NCOA6: variants seen among roughly 807,000 people sequenced by gnomAD.
NCOA6 encodes the protein nuclear receptor coactivator 6, also known as NRC RAP250.
NCOA6 carries 49 observed loss-of-function variants against 171.4 expected under a neutral mutation model. That is an observed-to-expected ratio of 0.29 (90% CI 0.23 to 0.36). The LOEUF is 0.36. Ranked by LOEUF, NCOA6 falls within the 10% of genes least tolerant of loss-of-function variation. NCOA6 has a pLI of 1.00. For missense variants in NCOA6, 2,248 were observed against 2,554.5 expected (o/e 0.88, Z 2.59); for synonymous variants, 910 against 927.5 (o/e 0.98, Z 0.34).
chr20:34,796,281 A>T (rs2146390749), intron 1 of NCOA6, among the ~76,000 whole-genome samples: 1 of 151,722 alleles, frequency 6.6e-6, no homozygotes, highest in Non-Finnish European at 1.5e-5. Context: ...AAGTGCTGGG[A>T]TTATAGGTGT....
In NCOA6 at chr20:34,750,534, AAGTCACAGTTT is replaced by A; in HGVS notation, c.1676-26_1676-16del. The A allele has an allele frequency of 1.9e-6, 3 of 1,552,912 alleles. No homozygotes were observed. Among genetic ancestry groups the A allele is most frequent in the Non-Finnish European group, 2.6e-6 (3 of 1,154,864 alleles). On this transcript the variant is annotated splice_polypyrimidine_tract_variant and intron_variant, in intron 8 of 14. Coordinates refer to ENST00000359003, the MANE Select transcript of NCOA6 (RefSeq NM_014071.5). The stretch of plus-strand genomic sequence containing the variant: ...TCCTTGACCACCTTAAAAAAAAAAA[AAGTCACAGTTT>A]CAGAAATAAATATTTTTATCTTATT...
At chr20:34,716,181 T>C (rs1367297868) in intron 14 of NCOA6, among the ~76,000 whole-genome samples, 3 of 141,456 alleles carry the variant, frequency 2.1e-5, no homozygotes, top group Non-Finnish European at 3.0e-5. Context: ...ATCCCACCAC[T>C]GTACTGTAGC....
intron 14 of NCOA6, among the ~76,000 whole-genome samples, chr20:34,720,074 C>T (rs531570039): frequency 1.3e-5 from 2 of 152,276 alleles, no homozygotes; most frequent in African/African-American, 4.8e-5. Flanking sequence ...AACATATTTT[C>T]CTGGTTCCAA....
At chr20:34,823,804 G>T (rs2079076854) in intron 1 of NCOA6, among the ~76,000 whole-genome samples, 1 of 152,038 alleles carries the variant, frequency 6.6e-6, no homozygotes, top group African/African-American at 2.4e-5. Flanking sequence ...CCAGGCTCAA[G>T]CGATCCTCCC....
At chr20:34,793,854 A>G (rs571898171) in intron 1 of NCOA6, among the ~76,000 whole-genome samples, 1 of 152,332 alleles carries the variant, frequency 6.6e-6, no homozygotes, top group East Asian at 1.9e-4. Flanking sequence ...ACATAAAATA[A>G]AAAGATCAAT....
At position 34,757,958 on chromosome 20, in the gene NCOA6, G is replaced by A; in HGVS notation, c.790C>T (p.Gln264Ter). Residue 264 changes from glutamine (Q) to a stop codon, truncating the protein, a stop_gained, in exon 7 of 15, where the codon CAG (glutamine) becomes TAG (stop). Transcript: ENST00000359003. LOFTEE classifies it high-confidence loss of function. ...TGCTGCTGCTGTTGTTGTTGTTGCT[G>A]CTGCTGCTGCAGCTGGGGAAAATTA... ...PANFPQLQQQ[Q>*]QQQQQQQQQQ... is the part of the protein sequence containing the mutation. 6.2e-7 allele frequency: 1 copy of A among 1,614,070 alleles called. No homozygotes were observed. The highest frequency in any genetic ancestry group is 8.5e-7 in the Non-Finnish European group (1 of 1,180,020).
intron 4 of NCOA6, among the ~76,000 whole-genome samples, chr20:34,772,146 C>T (rs780852811): frequency 1.3e-5 from 2 of 151,848 alleles, no homozygotes; most frequent in African/African-American, 2.4e-5. Flanking sequence ...ATGGTGAGAC[C>T]CCGTCTCTAT....
chr20:34,804,972 G>C (rs1311629550), intron 1 of NCOA6, among the ~76,000 whole-genome samples: 1 of 151,498 alleles, frequency 6.6e-6, no homozygotes, highest in African/African-American at 2.4e-5. Flanking sequence ...CCATTAACCA[G>C]TCTCTTTTTA....
At chr20:34,810,534 T>C (rs1421471617) in intron 1 of NCOA6, among the ~76,000 whole-genome samples, 1 of 152,054 alleles carries the variant, frequency 6.6e-6, no homozygotes, top group African/African-American at 2.4e-5. Flanking sequence ...CTAACGCCCA[T>C]GCAACCATTT....
chr20:34,716,766 T>TAA (rs199646400), intron 14 of NCOA6, among the ~76,000 whole-genome samples: 1 of 140,044 alleles, frequency 7.1e-6, no homozygotes, highest in African/African-American at 2.6e-5. Flanking sequence ...CATCTCTATT[T>TAA]AAAAAAAAAA....
Position 34,754,845 on chromosome 20 carries a change from C to A in NCOA6, c.1552G>T (p.Gly518Cys). Residue 518 changes from glycine (G) to cysteine (C), a missense_variant, in exon 8 of 15, where the codon GGC becomes TGC. Around this residue, in one of 7 missense-constraint regions of NCOA6, gnomAD observed 987 missense variants for 1,104.7 expected, o/e 0.89. Transcript: ENST00000359003. The stretch of plus-strand genomic sequence containing the variant: ...GGATTGGCCTGTCCTGCTGAGAAGC[C>A]AGGTGGGAGGCGTTTAGGCATTCCT... ...LGGMPKRLPP[G>C]FSAGQANPNF... 2.5e-6 allele frequency: 4 copies of A among 1,614,082 alleles called. No individual in the cohort carries two copies. Among genetic ancestry groups the A allele is most frequent in the Non-Finnish European group, 3.4e-6 (4 of 1,179,998 alleles).
intron 1 of NCOA6, among the ~76,000 whole-genome samples, chr20:34,795,657 A>C (rs768119775): frequency 8.5e-5 from 13 of 152,354 alleles, no homozygotes; most frequent in Non-Finnish European, 1.9e-4. Flanking sequence ...AAGTCACAAC[A>C]ACCAACTGCA....
chr20:34,766,794 C>T (rs535403043), intron 5 of NCOA6, among the ~76,000 whole-genome samples: 23 of 152,260 alleles, frequency 1.5e-4, no homozygotes, highest in Admixed American at 1.3e-4. Context: ...GAGATTAGAA[C>T]CCAGATTTCC....
At chr20:34,821,664 T>C (rs1187999283) in intron 1 of NCOA6, 5 of 151,474 alleles carry the variant, frequency 3.3e-5, no homozygotes, top group Non-Finnish European at 7.4e-5. Flanking sequence ...CTCGGCTCAC[T>C]GCAAGCTCCG....
At chr20:34,736,952 A>G (rs1319845032) in intron 11 of NCOA6, among the ~76,000 whole-genome samples, 194 bp from the exon 12 acceptor site, 2 of 152,188 alleles carry the variant, frequency 1.3e-5, no homozygotes, top group African/African-American at 4.8e-5. Flanking sequence ...CCCAGTACCA[A>G]TGACTACCAT....
chr20:34,758,700 T>C lies in NCOA6; in HGVS notation c.643+105A>G. 4.2e-6 allele frequency: 6 copies of C among 1,426,292 alleles called. No homozygotes were observed. The South Asian group carries it at 7.5e-5, about 18-fold the overall frequency. 88.4% of individuals were successfully genotyped at this position (1,426,292 alleles called of 1,614,324 possible). A position where few individuals can be genotyped will look rare whatever the true frequency, so the allele number is the denominator to read the frequency against. On this transcript the variant is annotated intron_variant, in intron 6 of 14. Transcript: ENST00000359003. ...CAGATTTTGTAAAGAAGGTTGACATTGTGAGTTTGGAAATTAGAAATTCAG... is the reference window on the plus strand; with the variant it reads ...CAGATTTTGTAAAGAAGGTTGACATCGTGAGTTTGGAAATTAGAAATTCAG...
At chr20:34,797,119 G>GAC (rs2078103200) in intron 1 of NCOA6, among the ~76,000 whole-genome samples, 1 of 152,128 alleles carries the variant, frequency 6.6e-6, no homozygotes, top group African/African-American at 2.4e-5. Context: ...TTTGACTCAT[G>GAC]ATAAGAACCT....
intron 1 of NCOA6, among the ~76,000 whole-genome samples, chr20:34,810,282 C>T (rs1030320374): frequency 3.9e-5 from 6 of 152,166 alleles, no homozygotes; most frequent in Non-Finnish European, 8.8e-5. Context: ...ATATAGTTAG[C>T]TACAAATGAA....
intron 5 of NCOA6, among the ~76,000 whole-genome samples, chr20:34,767,458 G>T (rs3787219): frequency 0.45 from 67,850 of 151,690 alleles, 15,577 homozygotes; most frequent in Admixed American, 0.6. Flanking sequence ...ACCACACCTA[G>T]CTAATTTTTG....
Sources: gnomAD v4.1 joint callset for allele counts (sites outside exome capture counted in the v4.1 genomes callset) on GRCh38, gnomAD v4.1.1 for gene constraint, gnomAD v4.1.1 regional missense constraint, MANE v1.5 for transcripts, NCBI Gene and HGNC (gene_info 2026-07-23, HGNC 2026-07-21) for gene names.